CTNNA2: variants seen among roughly 807,000 people sequenced by gnomAD.
CTNNA2 encodes the protein catenin alpha-2.
CTNNA2 carries 42 observed loss-of-function variants against 101.0 expected under a neutral mutation model. That is an observed-to-expected ratio of 0.42 (90% CI 0.32 to 0.54). The LOEUF is 0.54. Among genes scored for constraint, CTNNA2 ranks in the 20% least tolerant of loss-of-function variants. The probability of loss-of-function intolerance (pLI) is 0.14; values close to 1 mark genes in which losing one functional copy is unlikely to be tolerated. For missense variants in CTNNA2, 871 were observed against 1,223.1 expected (o/e 0.71, Z 4.29); for synonymous variants, 450 against 456.4 (o/e 0.99, Z 0.18).
intron 3 of CTNNA2, among the ~76,000 whole-genome samples, chr2:79,817,864 G>A (rs1356150654): frequency 6.6e-6 from 1 of 152,184 alleles, no homozygotes; most frequent in Non-Finnish European, 1.5e-5. Context: ...TTGGCTGGAA[G>A]TCTACTCCTT....
intron 1 of CTNNA2, among the ~76,000 whole-genome samples, chr2:79,614,780 G>A (rs1678509802): frequency 6.6e-6 from 1 of 152,100 alleles, no homozygotes; most frequent in Admixed American, 6.5e-5. Context: ...CTTTCCTGTA[G>A]CATGGTTGAT....
chr2:79,725,928 C>T (rs148242281), intron 2 of CTNNA2, among the ~76,000 whole-genome samples: 98 of 152,280 alleles, frequency 6.4e-4, no homozygotes, highest in Non-Finnish European at 1.2e-3. Context: ...GCATGTGAAT[C>T]CGGCTGTCTG....
chr2:79,685,349 A>G (rs1683861763), intron 2 of CTNNA2, among the ~76,000 whole-genome samples: 2 of 152,216 alleles, frequency 1.3e-5, no homozygotes, highest in Non-Finnish European at 2.9e-5. Flanking sequence ...AAGAAGTGAC[A>G]TCCAAACTGA....
rs555274010 is a variant in CTNNA2, at chr2:79,917,787, C to T, written c.1056+7990C>T. On this transcript the variant is annotated intron_variant, in intron 7 of 18. Coordinates refer to ENST00000402739, the MANE Select transcript of CTNNA2 (RefSeq NM_001282597.3). ...TCCAGTCATGCTGGCAGGACATCTT[C>T]TCTGGTAGAATCATGACAGGGAGAG... is the stretch of plus-strand genomic sequence containing the variant. Among the ~76,000 whole-genome samples, 3 of 152,244 alleles carry T rather than the reference C, an allele frequency of 2.0e-5. No individual in the cohort carries two copies. In the East Asian group the frequency reaches 5.8e-4, roughly 29 times the overall value.
chr2:79,282,414 C>A (rs562145681), intron 2 of CTNNA2, among the ~76,000 whole-genome samples: 48 of 152,094 alleles, frequency 3.2e-4, no homozygotes, highest in African/African-American at 1.1e-3. Context: ...CCGCTCCCCC[C>A]ACCCTACAAC....
intron 2 of CTNNA2, among the ~76,000 whole-genome samples, chr2:79,243,901 C>CT (rs1178603575): frequency 6.6e-6 from 1 of 152,166 alleles, no homozygotes; most frequent in African/African-American, 2.4e-5. Context: ...TGTTTTGTCT[C>CT]TGATAGTTCC....
chr2:80,175,886 G>A (rs962780514), intron 7 of CTNNA2, among the ~76,000 whole-genome samples: 16 of 152,194 alleles, frequency 1.1e-4, no homozygotes, highest in African/African-American at 3.9e-4. Context: ...TTCGAGGGCA[G>A]GAAGCATCCA....
intron 7 of CTNNA2, among the ~76,000 whole-genome samples, chr2:80,232,345 G>GTTT (rs61454985): frequency 6.2e-4 from 40 of 64,786 alleles, no homozygotes; most frequent in Non-Finnish European, 7.7e-4. Flanking sequence ...TTGTTTGTTT[G>GTTT]TTTTTTTTTT....
At chr2:80,002,869 TC>T (rs1279030236) in intron 7 of CTNNA2, among the ~76,000 whole-genome samples, 3 of 152,036 alleles carry the variant, frequency 2.0e-5, no homozygotes, top group Non-Finnish European at 2.9e-5. Flanking sequence ...TAGCTTCCTT[TC>T]CCTCCCTCCC....
chr2:80,552,416 G>A (rs1692647534), intron 11 of CTNNA2, among the ~76,000 whole-genome samples: 1 of 152,116 alleles, frequency 6.6e-6, no homozygotes, highest in Non-Finnish European at 1.5e-5. Flanking sequence ...AAATCTATTT[G>A]AAAACATTCT....
intron 4 of CTNNA2, among the ~76,000 whole-genome samples, chr2:79,453,356 T>A (rs541789670): frequency 3.7e-4 from 57 of 152,260 alleles, no homozygotes; most frequent in African/African-American, 1.3e-3. Flanking sequence ...AAATAAAAAA[T>A]TTAAATATGC....
intron 7 of CTNNA2, chr2:80,027,972 CAAAAAAAAAAAAAAAAA>C (rs1177032489): frequency 1.5e-4 from 3 of 19,840 alleles, no homozygotes; most frequent in African/African-American, 3.2e-4. Context: ...GACCCTGTCT[CAAAAAAAAAAAAAAAAA>C]AAAAAAAAAA....
intron 3 of CTNNA2, among the ~76,000 whole-genome samples, chr2:79,344,715 A>G (rs1452050242): frequency 6.6e-6 from 1 of 151,108 alleles, no homozygotes; most frequent in Non-Finnish European, 1.5e-5. Flanking sequence ...ATCTGCTAGC[A>G]CTAGGCTAGA....
In CTNNA2 at chr2:80,028,923, A is replaced by G. The variant is rs1225021641; in HGVS notation, c.1056+119126A>G. Among the ~76,000 whole-genome samples, 5 of 152,228 alleles carry G rather than the reference A, an allele frequency of 3.3e-5. No homozygotes were observed. The East Asian group carries it at 9.6e-4, about 29-fold the overall frequency. ...TTAGCTTACCTAGACCTGTTTTGGA[A>G]TTCTGACCTCTGGAACTATAAAATA... On this transcript the variant is annotated intron_variant, in intron 7 of 18. Transcript: ENST00000402739.
At chr2:79,276,066 A>G (rs546334822) in intron 2 of CTNNA2, among the ~76,000 whole-genome samples, 1 of 152,196 alleles carries the variant, frequency 6.6e-6, no homozygotes, top group African/African-American at 2.4e-5. Context: ...TGGGAAGACT[A>G]TTCCAGGAAA....
At chr2:79,984,876 A>G (rs1290228400) in intron 7 of CTNNA2, among the ~76,000 whole-genome samples, 1 of 152,152 alleles carries the variant, frequency 6.6e-6, no homozygotes, top group Non-Finnish European at 1.5e-5. Context: ...GAGGTTTCCC[A>G]TCACCTATAG....
chr2:79,698,322 T>C (rs1359672562), intron 2 of CTNNA2, among the ~76,000 whole-genome samples: 3 of 152,030 alleles, frequency 2.0e-5, no homozygotes, highest in African/African-American at 7.2e-5. Context: ...ATTCCTATAT[T>C]TAGACAGTAA....
At chr2:79,248,149 C>G (rs968856520) in intron 2 of CTNNA2, among the ~76,000 whole-genome samples, 12 of 152,080 alleles carry the variant, frequency 7.9e-5, no homozygotes, top group East Asian at 1.9e-4. Flanking sequence ...TGTCTCAGAG[C>G]CTTGCTTTTA....
At chr2:80,276,250 C>T (rs1310692697) in intron 7 of CTNNA2, among the ~76,000 whole-genome samples, 2 of 152,146 alleles carry the variant, frequency 1.3e-5, no homozygotes, top group East Asian at 3.9e-4. Context: ...GAAGTTAGCA[C>T]ACACCCCACA....
Sources: gnomAD v4.1 joint callset for allele counts (sites outside exome capture counted in the v4.1 genomes callset) on GRCh38, gnomAD v4.1.1 for gene constraint, MANE v1.5 for transcripts, NCBI Gene and HGNC (gene_info 2026-07-23, HGNC 2026-07-21) for gene names.